ZSWIM5: variants seen among roughly 807,000 people sequenced by gnomAD.
ZSWIM5 encodes zinc finger SWIM-type containing 5.
ZSWIM5 carries 55 observed loss-of-function variants against 119.6 expected under a neutral mutation model. The observed-to-expected ratio is 0.46, with a 90% confidence interval of 0.37 to 0.58. The LOEUF is 0.58. Ranked by LOEUF, ZSWIM5 falls within the 20% of genes least tolerant of loss-of-function variation. The pLI is 0.00. For missense variants in ZSWIM5, 1,193 were observed against 1,512.8 expected, an observed-to-expected ratio of 0.79 and a Z score of 3.51; for synonymous variants, 537 against 606.9, an observed-to-expected ratio of 0.88 and a Z score of 1.69.
chr1:45,096,527 G>A (rs1645403589), intron 1 of ZSWIM5, among the ~76,000 whole-genome samples: 1 of 126,752 alleles, frequency 7.9e-6, no homozygotes, highest in Non-Finnish European at 1.6e-5. Flanking sequence ...TTGCCTTGTG[G>A]CCCTATCAAC....
intron 1 of ZSWIM5, among the ~76,000 whole-genome samples, chr1:45,205,119 T>C (rs988464286): frequency 6.6e-5 from 10 of 151,490 alleles, no homozygotes; most frequent in African/African-American, 2.4e-4. Flanking sequence ...CTCCAGATTG[T>C]ATGGCTTTTT....
In ZSWIM5 at chr1:45,043,451, C is replaced by T. The variant is rs1645028666; in HGVS notation, c.1433-56G>A. On this transcript the variant is annotated intron_variant, in intron 5 of 13. Coordinates refer to ENST00000359600, the MANE Select transcript of ZSWIM5 (RefSeq NM_020883.2). ...TGACAGGCAATTTGAAGTTTTAAGC[C>T]CTGGGTCTTCTTCAGGGTGGGAGGT... 8 of 1,572,784 alleles carry T rather than the reference C, an allele frequency of 5.1e-6. No individual in the cohort carries two copies. The South Asian group carries it at 7.8e-5, about 15-fold the overall frequency.
chr1:45,024,340 C>T (rs1470345445), intron 11 of ZSWIM5, among the ~76,000 whole-genome samples: 4 of 150,652 alleles, frequency 2.7e-5, no homozygotes, highest in South Asian at 2.1e-4. Flanking sequence ...TACAGGCGTG[C>T]GCCACCACTC....
intron 1 of ZSWIM5, among the ~76,000 whole-genome samples, chr1:45,192,601 T>C (rs570981574): frequency 2.0e-5 from 3 of 152,356 alleles, no homozygotes; most frequent in Admixed American, 6.5e-5. Context: ...CTATTGTGAA[T>C]AATGCTGCTA....
chr1:45,147,828 A>G (rs1218195361), intron 1 of ZSWIM5, among the ~76,000 whole-genome samples: 4 of 152,120 alleles, frequency 2.6e-5, no homozygotes, highest in African/African-American at 4.8e-5. Flanking sequence ...CAGACAACAC[A>G]CTTCCTTTTT....
chr1:45,043,375 G>T lies in ZSWIM5; in HGVS notation c.1453C>A (p.Arg485=). 6.2e-7 allele frequency: 1 copy of T among 1,614,172 alleles called. No homozygotes were observed. The highest frequency in any genetic ancestry group is 1.1e-5 in the South Asian group (1 of 91,078). ...TCAATGGCTCTAGTGAATACTGTTC[G>T]TCTTGGTCTGGATAAGGAGTCTGGA... is the stretch of plus-strand genomic sequence containing the variant. ...HSPDSLSRPR[R]TVFTRAIEGR... The change falls in exon 6 of 14, where the codon CGA becomes AGA. Residue 485 remains arginine, a synonymous_variant. Transcript: ENST00000359600.
intron 1 of ZSWIM5, among the ~76,000 whole-genome samples, chr1:45,191,290 A>G (rs1646091716): frequency 6.6e-6 from 1 of 152,106 alleles, no homozygotes; most frequent in African/African-American, 2.4e-5. Context: ...CTGCCCTTAG[A>G]AAAGTATGAC....
At chr1:45,194,654 G>A (rs1165151299) in intron 1 of ZSWIM5, among the ~76,000 whole-genome samples, 1 of 152,078 alleles carries the variant, frequency 6.6e-6, no homozygotes, top group Non-Finnish European at 1.5e-5. Flanking sequence ...GAGGTGGGCG[G>A]ATCACGAGGT....
intron 6 of ZSWIM5, among the ~76,000 whole-genome samples, chr1:45,042,387 G>C (rs1645022335): frequency 6.6e-6 from 1 of 152,136 alleles, no homozygotes; most frequent in Non-Finnish European, 1.5e-5. Flanking sequence ...TCTTTCACAT[G>C]CTTATTAGAT....
chr1:45,154,134 G>A (rs562966860), intron 1 of ZSWIM5, among the ~76,000 whole-genome samples: 11 of 152,218 alleles, frequency 7.2e-5, no homozygotes, highest in Admixed American at 2.6e-4. Flanking sequence ...CCATGTTCAT[G>A]GATGGGTAGA....
At chr1:45,120,545 C>T (rs764005914) in intron 1 of ZSWIM5, among the ~76,000 whole-genome samples, 7 of 152,046 alleles carry the variant, frequency 4.6e-5, no homozygotes, top group Non-Finnish European at 7.4e-5. Context: ...CTCAGTGCAG[C>T]CTTGACCTCC....
At chr1:45,046,233 A>C (rs1259352012) in intron 5 of ZSWIM5, among the ~76,000 whole-genome samples, 1 of 152,212 alleles carries the variant, frequency 6.6e-6, no homozygotes, top group African/African-American at 2.4e-5. Flanking sequence ...CTCTGGCAGC[A>C]GTACTGAGAA....
intron 1 of ZSWIM5, among the ~76,000 whole-genome samples, chr1:45,173,531 G>T (rs1343022016): frequency 2.0e-5 from 3 of 151,972 alleles, no homozygotes; most frequent in East Asian, 3.9e-4. Flanking sequence ...AGTTATCCAT[G>T]CATTTTTCAC....
chr1:45,019,344 T>C lies in ZSWIM5; in HGVS notation c.2696-28A>G. 6.3e-7 allele frequency: 1 copy of C among 1,590,280 alleles called. No individual in the cohort carries two copies. Among genetic ancestry groups the C allele is most frequent in the Non-Finnish European group, 8.5e-7 (1 of 1,170,988 alleles). On this transcript the variant is annotated intron_variant, in intron 13 of 13. Transcript: ENST00000359600. The surrounding 1 kb of genome is among the most constrained non-coding windows in gnomAD (Gnocchi z 5.0). ...GTCAGGGGGAGCCTGAGCTCAGCCG[T>C]GGCCATCTGGGTCCTGATTCAGGTC...
At position 45,037,836 on chromosome 1, in the gene ZSWIM5, G is replaced by C. The variant is rs377408616; in HGVS notation, c.1894+1100C>G. On this transcript the variant is annotated intron_variant, in intron 8 of 13. Coordinates refer to ENST00000359600, the MANE Select transcript of ZSWIM5 (RefSeq NM_020883.2). ...TACTATTATCTCATATGCTCCACCA[G>C]TGGGTGCACAATTTCAGGAAGTAAG... 4.6e-5 allele frequency among the ~76,000 whole-genome samples: 7 copies of C among 152,270 alleles called. No individual in the cohort carries two copies. The South Asian group carries it at 1.4e-3, about 32-fold the overall frequency.
At position 45,054,275 on chromosome 1, in the gene ZSWIM5, A is replaced by T. The variant is rs563750412; in HGVS notation, c.1253-3022T>A. ...CTAGGGGACAGTGAGATCCTGTCTC[A>T]AAGTAAATCAATAAAAATAAATTTG... On this transcript the variant is annotated intron_variant, in intron 4 of 13. Transcript: ENST00000359600. 2.0e-4 allele frequency among the ~76,000 whole-genome samples: 30 copies of T among 152,164 alleles called. No individual in the cohort carries two copies. In the East Asian group the frequency reaches 4.8e-3, roughly 25 times the overall value.
At chr1:45,081,287 T>C (rs911930363) in intron 2 of ZSWIM5, among the ~76,000 whole-genome samples, 7 of 150,942 alleles carry the variant, frequency 4.6e-5, no homozygotes, top group African/African-American at 1.5e-4. Flanking sequence ...CCCCATGGTC[T>C]CCCTCTCCCC....
chr1:45,120,845 C>T (rs2149027467), intron 1 of ZSWIM5, among the ~76,000 whole-genome samples: 1 of 152,310 alleles, frequency 6.6e-6, no homozygotes, highest in Non-Finnish European at 1.5e-5. Context: ...AACCTATACA[C>T]TATTCTTCAT....
chr1:45,069,103 C>T (rs752213681), intron 2 of ZSWIM5, among the ~76,000 whole-genome samples: 4 of 151,934 alleles, frequency 2.6e-5, no homozygotes, highest in African/African-American at 7.3e-5. Flanking sequence ...TGAACCATCC[C>T]ACCCAGTCAG....
Sources: allele counts gnomAD v4.1 joint callset (sites outside exome capture counted in the v4.1 genomes callset), GRCh38; gene constraint gnomAD v4.1.1; non-coding constraint Gnocchi (gnomAD v3.1); transcripts MANE v1.5; gene names NCBI Gene and HGNC (gene_info 2026-07-23, HGNC 2026-07-21).